The following POU6F2 variants were observed in gnomAD, a reference collection of about 807,000 sequenced individuals.
The protein encoded by POU6F2 is POU domain, class 6, transcription factor 2.
A neutral mutation model predicts 71.3 loss-of-function variants in POU6F2; 31 were observed. The ratio of observed to expected loss-of-function variants is 0.43; its 90% CI spans 0.33 to 0.59. The LOEUF is 0.59. Among genes scored for constraint, POU6F2 ranks in the 20% least tolerant of loss-of-function variants. The pLI, the probability that POU6F2 is intolerant of heterozygous loss-of-function variation, is 0.04. For synonymous variants in POU6F2, 347 were observed against 355.7 expected (o/e 0.98, Z 0.27); for missense variants, 783 against 856.8 (o/e 0.91, Z 1.07).
At chr7:39,241,926 A>G (rs1317635690) in intron 4 of POU6F2, among the ~76,000 whole-genome samples, 1 of 152,020 alleles carries the variant, frequency 6.6e-6, no homozygotes, top group Non-Finnish European at 1.5e-5. Flanking sequence ...GTGACCACTG[A>G]TCTGTTTTCT....
intron 2 of POU6F2, among the ~76,000 whole-genome samples, chr7:39,195,858 G>C (rs4452709): frequency 1.3e-5 from 2 of 152,034 alleles, no homozygotes; most frequent in Non-Finnish European, 2.9e-5. Context: ...AATGCAGGTA[G>C]CAGGTAAGAA....
intron 5 of POU6F2, among the ~76,000 whole-genome samples, chr7:39,380,248 A>G (rs1786799505): frequency 6.6e-6 from 1 of 152,174 alleles, no homozygotes; most frequent in East Asian, 1.9e-4. Context: ...CCAGATTCTA[A>G]TTGCAGCTAC....
At chr7:39,260,193 C>T (rs1784105552) in intron 4 of POU6F2, among the ~76,000 whole-genome samples, 1 of 149,300 alleles carries the variant, frequency 6.7e-6, no homozygotes, top group Non-Finnish European at 1.5e-5. Context: ...TCACACCACA[C>T]ACACAATACC....
In POU6F2 at chr7:39,460,669, C is replaced by G. The variant is rs776003800; in HGVS notation, c.1612C>G (p.Leu538Val). 6.2e-6 allele frequency: 10 copies of G among 1,608,428 alleles called. No homozygotes were observed. In the Admixed American group the frequency reaches 1.0e-4, roughly 16 times the overall value. Reference protein sequence around the residue: ...GLTQTQVGQALSATEGPAYSQ... With the variant: ...GLTQTQVGQAVSATEGPAYSQ... ...GACCCAGACTCAGGTGGGACAGGCT[C>G]TCAGTGCTACAGAGGGCCCCGCGTA... The change falls in exon 9 of 10, where the codon CTC becomes GTC. Residue 538 changes from leucine (L) to valine (V), a missense_variant. Transcript: ENST00000518318. The surrounding 1 kb of genome is among the most constrained non-coding windows in gnomAD (Gnocchi z 4.4).
intron 2 of POU6F2, among the ~76,000 whole-genome samples, chr7:39,200,016 A>G (rs73367210): frequency 6.6e-6 from 1 of 152,352 alleles, no homozygotes; most frequent in African/African-American, 2.4e-5. Context: ...TGAACAAATC[A>G]CAATTACAAA....
chr7:39,024,562 G>A (rs1789756974), intron 1 of POU6F2, among the ~76,000 whole-genome samples: 1 of 152,102 alleles, frequency 6.6e-6, no homozygotes, highest in African/African-American at 2.4e-5. Flanking sequence ...AGTGGTGAGA[G>A]AGGGCATCCC....
At chr7:38,978,405 G>A (rs1408628450) in intron 1 of POU6F2, among the ~76,000 whole-genome samples, 1 of 152,212 alleles carries the variant, frequency 6.6e-6, no homozygotes, top group Non-Finnish European at 1.5e-5. Context: ...AGAGAATCAA[G>A]TGTGGTTTCC....
intron 1 of POU6F2, among the ~76,000 whole-genome samples, chr7:38,991,189 A>G (rs546875604): frequency 3.0e-4 from 46 of 152,230 alleles, no homozygotes; most frequent in Middle Eastern, 3.4e-3. Context: ...CCCTAACTTA[A>G]CCAATTATTA....
chr7:39,143,958 T>G (rs1271995411), intron 2 of POU6F2, among the ~76,000 whole-genome samples: 3 of 152,162 alleles, frequency 2.0e-5, no homozygotes, highest in Non-Finnish European at 4.4e-5. Context: ...GCTGACATAT[T>G]TAGGAAGTCT....
chr7:39,293,781 T>C (rs985458057), intron 4 of POU6F2, among the ~76,000 whole-genome samples: 4 of 152,186 alleles, frequency 2.6e-5, no homozygotes, highest in African/African-American at 9.7e-5. Context: ...TGACTGTTTT[T>C]AAAGTCCAAC....
chr7:38,993,646 A>ACACACACG (rs1379408807), intron 1 of POU6F2, among the ~76,000 whole-genome samples: 4 of 150,496 alleles, frequency 2.7e-5, no homozygotes, highest in African/African-American at 9.8e-5. Context: ...ACACACACAC[A>ACACACACG]CATCAGTGGT....
chr7:39,314,925 G>A (rs1339698764), intron 4 of POU6F2, among the ~76,000 whole-genome samples: 1 of 151,810 alleles, frequency 6.6e-6, no homozygotes, highest in Non-Finnish European at 1.5e-5. Context: ...CACCGTGACA[G>A]TAAAGAACTT....
intron 1 of POU6F2, among the ~76,000 whole-genome samples, chr7:39,084,485 G>A (rs903242579): frequency 8.5e-5 from 13 of 152,166 alleles, no homozygotes; most frequent in Non-Finnish European, 8.8e-5. Flanking sequence ...CTTAAATAGG[G>A]AGAAAATGTG....
chr7:39,449,409 T>TA (rs1041143874), intron 7 of POU6F2, among the ~76,000 whole-genome samples: 1 of 152,200 alleles, frequency 6.6e-6, no homozygotes, highest in Non-Finnish European at 1.5e-5. Context: ...ATTAATTTGA[T>TA]AAAAACACTT....
At chr7:39,328,696 A>G (rs775034430) in intron 4 of POU6F2, among the ~76,000 whole-genome samples, 1 of 152,258 alleles carries the variant, frequency 6.6e-6, no homozygotes, top group Non-Finnish European at 1.5e-5. Context: ...CTCTACTTGT[A>G]AAGGACAATT....
At chr7:39,247,703 T>C (rs1460834009) in intron 4 of POU6F2, among the ~76,000 whole-genome samples, 1 of 152,172 alleles carries the variant, frequency 6.6e-6, no homozygotes, top group East Asian at 1.9e-4. Context: ...TAATGACCAA[T>C]CCCACTTTCA....
At chr7:39,042,483 CA>C (rs1232933680) in intron 1 of POU6F2, among the ~76,000 whole-genome samples, 4 of 152,112 alleles carry the variant, frequency 2.6e-5, no homozygotes, top group Admixed American at 6.6e-5. Context: ...ATGCCTCTGT[CA>C]GCAGGGTCTC....
intron 2 of POU6F2, among the ~76,000 whole-genome samples, chr7:39,142,227 A>G (rs2128732085): frequency 1.3e-5 from 2 of 152,358 alleles, no homozygotes; most frequent in Middle Eastern, 6.8e-3. Context: ...ATGCTGAAGC[A>G]TGGAGGCCTG....
chr7:39,205,282 C>T (rs1793987004), intron 3 of POU6F2, among the ~76,000 whole-genome samples: 7 of 152,012 alleles, frequency 4.6e-5, no homozygotes, highest in Admixed American at 4.6e-4. Context: ...TAATTTTATG[C>T]TTGTAACATT....
Sources: gnomAD v4.1 joint callset for allele counts (sites outside exome capture counted in the v4.1 genomes callset) on GRCh38, gnomAD v4.1.1 for gene constraint, Gnocchi (gnomAD v3.1) non-coding constraint, MANE v1.5 for transcripts, NCBI Gene and HGNC (gene_info 2026-07-23, HGNC 2026-07-21) for gene names.